GDPGP1: variants seen among roughly 807,000 people sequenced by gnomAD.
The protein encoded by GDPGP1 is GDP-D-glucose phosphorylase 1.
In GDPGP1, 18 loss-of-function variants were observed where a neutral mutation model predicts 19.2. The observed-to-expected ratio is 0.94, with a 90% CI of 0.65 to 1.39. The LOEUF (loss-of-function observed/expected upper bound fraction) is 1.39. Ranked by LOEUF, GDPGP1 falls within the 40% of genes most tolerant of loss-of-function variation. GDPGP1 has a pLI of 0.00. For missense variants in GDPGP1, 449 were observed against 490.5 expected (o/e 0.92, Z 0.80); for synonymous variants, 219 against 208.9 (o/e 1.05, Z -0.42).
At position 90,245,311 on chromosome 15, in the gene GDPGP1, C is replaced by T. The variant is rs762186794; in HGVS notation, c.*3245C>T. ...CCAACATGGTGAAACCCCGTCTCTA[C>T]TAAAAACACAAAAATTAGCTGGGTG... On this transcript the variant is annotated 3_prime_UTR_variant, in exon 4 of 4. Transcript: ENST00000329600. 1 of 152,042 alleles carries T rather than the reference C, an allele frequency of 6.6e-6. No homozygotes were observed. The highest frequency in any genetic ancestry group is 1.5e-5 in the Non-Finnish European group (1 of 68,034). 9.4% of individuals were successfully genotyped at this position (152,042 alleles called of 1,614,324 possible). A position where few individuals can be genotyped will look rare whatever the true frequency, so the allele number is the denominator to read the frequency against.
At position 90,245,657 on chromosome 15, in the gene GDPGP1, A is replaced by C. The variant is rs1596181996; in HGVS notation, c.*3591A>C. The C allele has an allele frequency of 1.3e-5, 2 of 152,244 alleles. No homozygotes were observed. Among genetic ancestry groups the C allele is most frequent in the South Asian group, 2.1e-4 (1 of 4,832 alleles). 9.4% of individuals were successfully genotyped at this position (152,244 alleles called of 1,614,324 possible). A position where few individuals can be genotyped will look rare whatever the true frequency, so the allele number is the denominator to read the frequency against. On this transcript the variant is annotated 3_prime_UTR_variant, in exon 4 of 4. Coordinates refer to ENST00000329600, the MANE Select transcript of GDPGP1 (RefSeq NM_001013657.3). ...TGAAGGGAGTTCGGATGACCATTAC[A>C]GCAAAGTGGATTTTGCGTTCAAAGT...
chr15:90,236,706 G>C (rs766275689), intron 2 of GDPGP1, among the ~76,000 whole-genome samples: 3 of 150,942 alleles, frequency 2.0e-5, no homozygotes, highest in Non-Finnish European at 3.0e-5. Flanking sequence ...GCTAATTTTT[G>C]TATTTTTTTT....
intron 2 of GDPGP1, among the ~76,000 whole-genome samples, chr15:90,238,028 G>A (rs140655715): frequency 0.024 from 3,690 of 152,248 alleles, 143 homozygotes; most frequent in African/African-American, 0.08. Context: ...GGCCAGGTGC[G>A]GTGGCTCACG....
At chr15:90,239,053 G>A (rs905107651) in intron 3 of GDPGP1, among the ~76,000 whole-genome samples, 1 of 152,152 alleles carries the variant, frequency 6.6e-6, no homozygotes, top group Non-Finnish European at 1.5e-5. Flanking sequence ...GTGTGTGAGT[G>A]TATAGGATGT....
Position 90,241,375 on chromosome 15 carries a change from T to C in GDPGP1, c.467T>C (p.Val156Ala). The C allele has an allele frequency of 6.2e-7, 1 of 1,614,082 alleles. No individual in the cohort carries two copies. Among genetic ancestry groups the C allele is most frequent in the South Asian group, 1.1e-5 (1 of 91,092 alleles). Residue 156 changes from valine to alanine, a missense_variant, in exon 4 of 4, where the codon GTG becomes GCG. Physicochemically the swap from Val to Ala is moderately conservative, Grantham distance 64. Coordinates refer to ENST00000329600, the MANE Select transcript of GDPGP1 (RefSeq NM_001013657.3). ...GTLLQEDILV[V>A]INVSPLEWGH... ...CTGCTGCAAGAAGACATCCTGGTGG[T>C]GATCAACGTCAGCCCCCTGGAGTGG...
intron 3 of GDPGP1, among the ~76,000 whole-genome samples, chr15:90,240,632 G>A (rs1962731856): frequency 1.3e-5 from 2 of 152,056 alleles, no homozygotes; most frequent in African/African-American, 4.8e-5. Flanking sequence ...GGCCAACATG[G>A]TGAAACACCA....
chr15:90,244,654 C>T lies in GDPGP1; in HGVS notation c.*2588C>T, dbSNP rs1421679796. 5.3e-5 allele frequency: 8 copies of T among 152,132 alleles called. No homozygotes were observed. The highest frequency in any genetic ancestry group is 5.2e-4 in the Admixed American group (8 of 15,262). 9.4% of individuals were successfully genotyped at this position (152,132 alleles called of 1,614,324 possible). On this transcript the variant is annotated 3_prime_UTR_variant, in exon 4 of 4. Coordinates refer to ENST00000329600, the MANE Select transcript of GDPGP1 (RefSeq NM_001013657.3). ...CCTGGCCAACATGGTGAAACCCCAT[C>T]TCTACTAAAAATACAAAAATTAGGC...
chr15:90,235,403 T>A (rs988012148), intron 2 of GDPGP1, among the ~76,000 whole-genome samples: 2 of 152,034 alleles, frequency 1.3e-5, no homozygotes, highest in Non-Finnish European at 2.9e-5. Context: ...CCATCTCTAC[T>A]AAAAATACAA....
At chr15:90,237,004 G>A (rs1962648821) in intron 2 of GDPGP1, among the ~76,000 whole-genome samples, 1 of 151,968 alleles carries the variant, frequency 6.6e-6, no homozygotes, top group African/African-American at 2.4e-5. Flanking sequence ...CTGTCACCAG[G>A]CTGGAGTGCA....
chr15:90,239,574 C>T (rs1240620706), intron 3 of GDPGP1, among the ~76,000 whole-genome samples: 1 of 152,166 alleles, frequency 6.6e-6, no homozygotes, highest in Non-Finnish European at 1.5e-5. Flanking sequence ...GGAGAACTCA[C>T]TATCACGAGA....
intron 3 of GDPGP1, 110 bp from the exon 4 acceptor site, chr15:90,240,790 G>T (rs1353726075): frequency 2.7e-5 from 19 of 694,294 alleles, no homozygotes; most frequent in Non-Finnish European, 4.2e-5. Context: ...CTCCAGCCTG[G>T]GTGACAGAGT....
At chr15:90,240,015 G>A (rs1226168489) in intron 3 of GDPGP1, among the ~76,000 whole-genome samples, 1 of 152,112 alleles carries the variant, frequency 6.6e-6, no homozygotes, top group African/African-American at 2.4e-5. Context: ...CCTGAGGTCA[G>A]GAGTTCAAGA....
chr15:90,241,573 A>G lies in GDPGP1; in HGVS notation c.665A>G (p.Tyr222Cys). The part of the protein sequence containing the change: ...ASVNHLHLHG[Y>C]YLAHRLPVEQ... The stretch of plus-strand genomic sequence containing the variant: ...GTGAACCACCTCCACCTGCATGGCT[A>G]TTACCTGGCCCACAGACTGCCCGTG... Residue 222 changes from tyrosine to cysteine, a missense_variant, in exon 4 of 4, where the codon TAT (tyrosine) becomes TGT (cysteine). Coordinates refer to ENST00000329600, the MANE Select transcript of GDPGP1 (RefSeq NM_001013657.3). 6.2e-7 allele frequency: 1 copy of G among 1,613,320 alleles called. No homozygotes were observed. The highest frequency in any genetic ancestry group is 1.3e-5 in the African/African-American group (1 of 75,052).
chr15:90,235,247 A>G (rs981603066), intron 2 of GDPGP1, among the ~76,000 whole-genome samples: 2 of 152,160 alleles, frequency 1.3e-5, no homozygotes, highest in East Asian at 3.9e-4. Flanking sequence ...GACACACTGT[A>G]TTAACAGGTA....
At chr15:90,238,608 CTGGG>C (rs1962683864) in intron 3 of GDPGP1, 60 bp downstream of exon 3, 1 of 152,206 alleles carries the variant, frequency 6.6e-6, no homozygotes, top group Non-Finnish European at 1.5e-5. Flanking sequence ...CCTGACAGTG[CTGGG>C]TCCAGGGCTC....
At chr15:90,240,105 C>T (rs1942249868) in intron 3 of GDPGP1, among the ~76,000 whole-genome samples, 1 of 151,500 alleles carries the variant, frequency 6.6e-6, no homozygotes, top group Non-Finnish European at 1.5e-5. Context: ...TTCCTATAAT[C>T]CCAGCTACTT....
In GDPGP1 at chr15:90,242,138, A is replaced by G; in HGVS notation, c.*72A>G. On this transcript the variant is annotated 3_prime_UTR_variant, in exon 4 of 4. Transcript: ENST00000329600. ...GGGTCTCACTCTGTCCCCAGGCTAGAGTGTAGTGGTATGATCCTGGCTCAC... is the reference window on the plus strand; with the variant it reads ...GGGTCTCACTCTGTCCCCAGGCTAGGGTGTAGTGGTATGATCCTGGCTCAC... 1.6e-6 allele frequency: 2 copies of G among 1,256,758 alleles called. No homozygotes were observed. Among genetic ancestry groups the G allele is most frequent in the Non-Finnish European group, 2.2e-6 (2 of 917,270 alleles). The allele number at this position is 1,256,758 out of a possible 1,614,324, so 77.9% of individuals were successfully genotyped here.
intron 3 of GDPGP1, 138 bp from the exon 4 acceptor site, chr15:90,240,762 A>C (rs1962734528): frequency 1.6e-6 from 1 of 614,346 alleles, no homozygotes; most frequent in Non-Finnish European, 2.8e-6. Flanking sequence ...ACAGTGAACC[A>C]AGATCACTGC....
rs1439604613 is a variant in GDPGP1 at position 90,241,851 on chromosome 15, G to T, written c.943G>T (p.Ala315Ser). 2 of 1,614,162 alleles carry T rather than the reference G, an allele frequency of 1.2e-6. No individual in the cohort carries two copies. Among genetic ancestry groups the T allele is most frequent in the Non-Finnish European group, 8.5e-7 (1 of 1,180,030 alleles). ...CACAGGGGTCCGAGTAATTCTGTGGGCCCGGAAGTCCAGCTTTGGGATAAA... is the reference window on the plus strand; with the variant it reads ...CACAGGGGTCCGAGTAATTCTGTGGTCCCGGAAGTCCAGCTTTGGGATAAA... Reference protein sequence around the residue: ...ALTGVRVILWARKSSFGIKDG... With the variant: ...ALTGVRVILWSRKSSFGIKDG... Residue 315 changes from alanine (A) to serine (S), a missense_variant, in exon 4 of 4, where the codon GCC (alanine) becomes TCC (serine). Coordinates refer to ENST00000329600, the MANE Select transcript of GDPGP1 (RefSeq NM_001013657.3).
Sources: allele counts gnomAD v4.1 joint callset (sites outside exome capture counted in the v4.1 genomes callset), GRCh38; gene constraint gnomAD v4.1.1; transcripts MANE v1.5; gene names NCBI Gene and HGNC (gene_info 2026-07-23, HGNC 2026-07-21).